DDX50: variants seen among roughly 807,000 people sequenced by gnomAD.
DDX50 encodes the protein ATP-dependent RNA helicase DDX50.
DDX50 carries 56 observed loss-of-function variants against 94.8 expected under a neutral mutation model. That is an observed-to-expected ratio of 0.59 (90% CI 0.48 to 0.74). The LOEUF (loss-of-function observed/expected upper bound fraction) is 0.74, where lower values mean the gene tolerates loss of function less well. DDX50 is among the 30% of genes least tolerant of loss of function. The probability of loss-of-function intolerance (pLI) is 0.00; values close to 1 mark genes in which losing one functional copy is unlikely to be tolerated. For missense variants in DDX50, 713 were observed against 881.2 expected (o/e 0.81, Z 2.42); for synonymous variants, 264 against 295.4 (o/e 0.89, Z 1.09).
In DDX50 at chr10:68,907,003, A is replaced by C; in HGVS notation, c.380A>C (p.Glu127Ala). The change falls in exon 2 of 15, where the codon GAG (glutamate) becomes GCG (alanine). Residue 127 changes from glutamate (E) to alanine (A), a missense_variant. This residue lies in a region of DDX50 where 285 missense variants were observed against 278.9 expected (regional missense o/e 1.02). Coordinates refer to ENST00000373585, the MANE Select transcript of DDX50 (RefSeq NM_024045.2). ...CATAAATCAAGTGATAATAAACTAG[A>C]GGAGGTATGGAAGCTTTTTATTTTG... is the stretch of plus-strand genomic sequence containing the variant. ...STHKSSDNKLEETLTREQKEG... is the reference protein window; with the variant it reads ...STHKSSDNKLAETLTREQKEG... 1.3e-6 allele frequency: 2 copies of C among 1,575,818 alleles called. No homozygotes were observed. The highest frequency in any genetic ancestry group is 1.7e-6 in the Non-Finnish European group (2 of 1,170,760).
chr10:68,927,345 G>A (rs1842119486), intron 8 of DDX50, among the ~76,000 whole-genome samples: 1 of 152,020 alleles, frequency 6.6e-6, no homozygotes, highest in African/African-American at 2.4e-5. Flanking sequence ...AACCACACAG[G>A]TTTATTTTCT....
chr10:68,920,142 G>A (rs1564607826), intron 8 of DDX50, among the ~76,000 whole-genome samples, 161 bp downstream of exon 8: 1 of 152,194 alleles, frequency 6.6e-6, no homozygotes, highest in Non-Finnish European at 1.5e-5. Flanking sequence ...GACCTGATAA[G>A]TCAGGATAGA....
intron 8 of DDX50, among the ~76,000 whole-genome samples, chr10:68,933,712 T>C (rs1185896202): frequency 6.6e-6 from 1 of 151,946 alleles, no homozygotes; most frequent in African/African-American, 2.4e-5. Flanking sequence ...GGCTGGCGGA[T>C]CACCTGAGGT....
Position 68,911,214 on chromosome 10 carries a change from C to A in DDX50, c.607C>A (p.Gln203Lys). The A allele has an allele frequency of 6.2e-7, 1 of 1,601,980 alleles. No individual in the cohort carries two copies. The highest frequency in any genetic ancestry group is 8.5e-7 in the Non-Finnish European group (1 of 1,176,478). The stretch of plus-strand genomic sequence containing the variant: ...CTTAATTGAAAGACTCCAAAGAAAT[C>A]AAGAAACAATTAAAAAAAGCCGCTC... ...IPLIERLQRN[Q>K]ETIKKSRSPK... is the part of the protein sequence containing the mutation. The change falls in exon 4 of 15, where the codon CAA becomes AAA. Residue 203 changes from glutamine to lysine, a missense_variant. This residue lies in a region of DDX50 where 285 missense variants were observed against 278.9 expected (regional missense o/e 1.02). Transcript: ENST00000373585.
In DDX50 at chr10:68,914,187, G is replaced by C; in HGVS notation, c.1072G>C (p.Ala358Pro). Residue 358 changes from alanine (A) to proline (P), a missense_variant, in exon 7 of 15, where the codon GCT (alanine) becomes CCT (proline). Ala to Pro is a conservative substitution (Grantham distance 27). This residue lies in a region of DDX50 where 428 missense variants were observed against 602.3 expected (regional missense o/e 0.71). Coordinates refer to ENST00000373585, the MANE Select transcript of DDX50 (RefSeq NM_024045.2). ...VDLVGKMTQKAATTVEHLAIQ... is the reference protein window; with the variant it reads ...VDLVGKMTQKPATTVEHLAIQ... ...CCTTGTTGGAAAAATGACTCAAAAG[G>C]CTGCAACTACTGTGGAAGTAAGTAG... is the stretch of plus-strand genomic sequence containing the variant. 6.2e-7 allele frequency: 1 copy of C among 1,610,038 alleles called. No individual in the cohort carries two copies. Among genetic ancestry groups the C allele is most frequent in the East Asian group, 2.2e-5 (1 of 44,538 alleles).
intron 8 of DDX50, among the ~76,000 whole-genome samples, chr10:68,929,424 CT>C (rs1173354756): frequency 2.1e-5 from 3 of 141,554 alleles, no homozygotes; most frequent in Non-Finnish European, 3.1e-5. Flanking sequence ...TTCTTTCCTT[CT>C]TTTCTTTCTT....
chr10:68,918,225 A>G lies in DDX50; in HGVS notation c.1090-1607A>G, dbSNP rs149611728. Among the ~76,000 whole-genome samples the G allele has an allele frequency of 3.4e-3, 516 of 151,610 alleles. 3 individuals carry two copies. The highest frequency in any genetic ancestry group is 0.012 in the African/African-American group (492 of 41,356). On this transcript the variant is annotated intron_variant, in intron 7 of 14. Coordinates refer to ENST00000373585, the MANE Select transcript of DDX50 (RefSeq NM_024045.2). The stretch of plus-strand genomic sequence containing the variant: ...AGGCATGAGCCACTGCGCCCTGCCT[A>G]TATATATCTTTAACTAGAGTGCCAT...
intron 1 of DDX50, among the ~76,000 whole-genome samples, chr10:68,904,262 G>C (rs2132018346): frequency 6.6e-6 from 1 of 152,180 alleles, no homozygotes; most frequent in Admixed American, 6.5e-5. Context: ...AGTGAACCAT[G>C]GTTGAGCTGC....
intron 7 of DDX50, among the ~76,000 whole-genome samples, chr10:68,917,764 G>A (rs1387624843): frequency 1.3e-5 from 2 of 151,818 alleles, no homozygotes; most frequent in East Asian, 3.9e-4. Context: ...CACCATGTCC[G>A]GCTAATTTTT....
In DDX50 at chr10:68,936,921, A is replaced by G. The variant is rs1379010232; in HGVS notation, c.1596-15A>G. On this transcript the variant is annotated splice_polypyrimidine_tract_variant and intron_variant, in intron 11 of 14. Coordinates refer to ENST00000373585, the MANE Select transcript of DDX50 (RefSeq NM_024045.2). ...TCCCTATGTCTTGACCAAGAATACT[A>G]TTTTTAAACCATAGGTCTCTGGCTT... 3.8e-6 allele frequency: 6 copies of G among 1,574,020 alleles called. No homozygotes were observed. Among genetic ancestry groups the G allele is most frequent in the African/African-American group, 1.4e-5 (1 of 73,096 alleles).
chr10:68,914,228 G>T (rs1841718268), intron 7 of DDX50, 24 bp downstream of exon 7: 2 of 1,601,452 alleles, frequency 1.2e-6, no homozygotes, highest in African/African-American at 1.3e-5. Flanking sequence ...TAGCATGATA[G>T]ATTTTAGCTT....
At chr10:68,911,688 C>T (rs1469074094) in intron 4 of DDX50, 1 of 152,432 alleles carries the variant, frequency 6.6e-6, no homozygotes, top group Non-Finnish European at 1.5e-5. Context: ...TTCATGTCAT[C>T]CTTGTGCAGG....
intron 2 of DDX50, 82 bp downstream of exon 2, chr10:68,907,089 A>G: frequency 7.7e-7 from 1 of 1,303,696 alleles, no homozygotes; most frequent in Non-Finnish European, 1.0e-6. Context: ...ATTAGAATTG[A>G]TTCTATAACA....
At chr10:68,933,015 C>T (rs1278756916) in intron 8 of DDX50, among the ~76,000 whole-genome samples, 1 of 151,628 alleles carries the variant, frequency 6.6e-6, no homozygotes, top group Non-Finnish European at 1.5e-5. Flanking sequence ...CTGAGGCATC[C>T]AGAGATACAA....
intron 4 of DDX50, 21 bp from the exon 5 acceptor site, chr10:68,913,140 GT>G (rs1564603174): frequency 6.4e-7 from 1 of 1,565,142 alleles, no homozygotes; most frequent in East Asian, 2.2e-5. Flanking sequence ...GTATCTTTTT[GT>G]TTTTTAAACC....
At chr10:68,945,255 G>GT (rs930239236) in intron 14 of DDX50, among the ~76,000 whole-genome samples, 1 of 151,878 alleles carries the variant, frequency 6.6e-6, no homozygotes, top group African/African-American at 2.4e-5. Context: ...TTCCCAAAAA[G>GT]TACCAGTATT....
At chr10:68,936,518 ATATATATATATATAT>A (rs1842420684) in intron 11 of DDX50, among the ~76,000 whole-genome samples, 4 of 26,170 alleles carry the variant, frequency 1.5e-4, no homozygotes, top group African/African-American at 7.5e-4. Context: ...AAAAAAAAAT[ATATATATATATATAT>A]ATATATATAT....
chr10:68,941,947 T>C (rs866873996), intron 13 of DDX50, among the ~76,000 whole-genome samples: 3 of 151,816 alleles, frequency 2.0e-5, no homozygotes, highest in Admixed American at 1.3e-4. Context: ...GTCCATGTTA[T>C]TATTATTGTG....
intron 2 of DDX50, among the ~76,000 whole-genome samples, chr10:68,907,612 G>A (rs547850419): frequency 1.3e-5 from 2 of 151,716 alleles, no homozygotes; most frequent in African/African-American, 4.8e-5. Flanking sequence ...CCACCACACT[G>A]GGCTGATAAT....
Sources: gnomAD v4.1 joint callset for allele counts (sites outside exome capture counted in the v4.1 genomes callset) on GRCh38, gnomAD v4.1.1 for gene constraint, gnomAD v4.1.1 regional missense constraint, MANE v1.5 for transcripts, NCBI Gene and HGNC (gene_info 2026-07-23, HGNC 2026-07-21) for gene names.